Variants in POU2F3 observed in about 807,000 individuals in gnomAD.
POU2F3 encodes the protein POU class 2 homeobox 3, also known as POU domain, class 2, transcription factor 3.
A neutral mutation model predicts 59.2 loss-of-function variants in POU2F3; 23 were observed. The ratio of observed to expected loss-of-function variants is 0.39; its 90% confidence interval spans 0.28 to 0.55. POU2F3 has a LOEUF of 0.55. Ranked by LOEUF, POU2F3 falls within the 20% of genes least tolerant of loss-of-function variation. The probability of loss-of-function intolerance (pLI) is 0.66; values close to 1 mark genes in which losing one functional copy is unlikely to be tolerated. For synonymous variants in POU2F3, 190 were observed against 214.6 expected (o/e 0.89, Z 1.00); for missense variants, 473 against 544.5 (o/e 0.87, Z 1.31).
At chr11:120,281,075 T>C (rs12788462) in intron 3 of POU2F3, among the ~76,000 whole-genome samples, 48,220 of 152,050 alleles carry the variant, frequency 0.32, 11,088 homozygotes, top group African/African-American at 0.64. Flanking sequence ...CCCAGAATCA[T>C]AGCCTTGGCT....
In POU2F3 at chr11:120,307,707, G is replaced by T. The variant is rs768882419; in HGVS notation, c.906+92G>T. ...CAGGCCCCTTGGCACCAGCCCCTCC[G>T]CACCTCACACCTGCTCTGGGACACG... On this transcript the variant is annotated intron_variant, in intron 9 of 12. Transcript: ENST00000543440. 5.3e-6 allele frequency: 8 copies of T among 1,500,770 alleles called. 1 individual carries two copies. The highest frequency in any genetic ancestry group is 1.9e-4 in the Middle Eastern group (1 of 5,308). The allele number at this position is 1,500,770 out of a possible 1,614,324, so 93.0% of individuals were successfully genotyped here.
chr11:120,312,170 C>G (rs1353093201), intron 10 of POU2F3, among the ~76,000 whole-genome samples: 2 of 151,074 alleles, frequency 1.3e-5, no homozygotes, highest in Non-Finnish European at 3.0e-5. Context: ...TTTGCCCAGG[C>G]TGGAGTGCAA....
At chr11:120,298,143 T>C (rs1051674519) in intron 3 of POU2F3, 122 bp from the exon 4 acceptor site, 1 of 1,276,212 alleles carries the variant, frequency 7.8e-7, no homozygotes, top group Admixed American at 2.3e-5. Flanking sequence ...CAGTAGGCCC[T>C]GGGCTAGCTC....
At position 120,317,099 on chromosome 11, in the gene POU2F3, G is replaced by T. The variant is rs1591449656; in HGVS notation, c.1136-130G>T. 3 of 1,048,830 alleles carry T rather than the reference G, an allele frequency of 2.9e-6. No homozygotes were observed. The East Asian group carries it at 7.1e-5, about 25-fold the overall frequency. 65.0% of individuals were successfully genotyped at this position (1,048,830 alleles called of 1,614,324 possible). A position where few individuals can be genotyped will look rare whatever the true frequency, so the allele number is the denominator to read the frequency against. On this transcript the variant is annotated intron_variant, in intron 11 of 12. Transcript: ENST00000543440. The stretch of plus-strand genomic sequence containing the variant: ...AATGAGGCAGGAGGTAGTCAGGTGG[G>T]TGTGGCTAGGGAGAGGGTGAGGTCC...
At position 120,240,258 on chromosome 11, in the gene POU2F3, A is replaced by G; in HGVS notation, c.-86A>G. ...GCGGCGGCGGCCGGGAACTGGAGGA[A>G]GGAGACCCTGGCTTCGCAGGGGCCC... is the stretch of plus-strand genomic sequence containing the variant. On this transcript the variant is annotated 5_prime_UTR_variant, in exon 1 of 13. Transcript: ENST00000543440. 9 of 1,263,360 alleles carry G rather than the reference A, an allele frequency of 7.1e-6. No homozygotes were observed. Among genetic ancestry groups the G allele is most frequent in the Middle Eastern group, 2.3e-4 (1 of 4,374 alleles). 78.3% of individuals were successfully genotyped at this position (1,263,360 alleles called of 1,614,324 possible). A position where few individuals can be genotyped will look rare whatever the true frequency, so the allele number is the denominator to read the frequency against.
At chr11:120,261,468 A>G (rs1054609841) in intron 2 of POU2F3, 1 of 152,168 alleles carries the variant, frequency 6.6e-6, no homozygotes, top group East Asian at 1.9e-4. Context: ...AGAGATTCCC[A>G]GGGGTCCATG....
intron 9 of POU2F3, 66 bp from the exon 10 acceptor site, chr11:120,309,359 G>C: frequency 6.8e-7 from 1 of 1,471,558 alleles, no homozygotes; most frequent in Non-Finnish European, 9.4e-7. Flanking sequence ...CTGTTTCTTT[G>C]GGACCTCTGT....
chr11:120,298,486 CTGCA>C, intron 4 of POU2F3, 96 bp downstream of exon 4: 1 of 1,520,244 alleles, frequency 6.6e-7, no homozygotes, highest in Non-Finnish European at 8.9e-7. Flanking sequence ...AAAGAACCCC[CTGCA>C]GGCAATGTGG....
At chr11:120,306,793 G>A (rs889876903) in intron 8 of POU2F3, among the ~76,000 whole-genome samples, 13 of 152,282 alleles carry the variant, frequency 8.5e-5, no homozygotes, top group Non-Finnish European at 1.5e-4. Context: ...CATGGGAGGG[G>A]GCAGGAAGCT....
chr11:120,317,557 C>T (rs183692968), intron 12 of POU2F3, among the ~76,000 whole-genome samples, 193 bp downstream of exon 12: 115 of 152,316 alleles, frequency 7.6e-4, no homozygotes, highest in Non-Finnish European at 1.2e-3. Context: ...AAAGAAGCTT[C>T]AGTCAGTGAG....
intron 10 of POU2F3, among the ~76,000 whole-genome samples, 193 bp downstream of exon 10, chr11:120,309,779 T>C (rs2135126553): frequency 6.6e-6 from 1 of 151,824 alleles, no homozygotes; most frequent in South Asian, 2.1e-4. Flanking sequence ...AGTAGAGAGG[T>C]CAGAGAGGAC....
chr11:120,275,583 AGT>A (rs1940283557), intron 3 of POU2F3, among the ~76,000 whole-genome samples: 1 of 152,282 alleles, frequency 6.6e-6, no homozygotes, highest in Non-Finnish European at 1.5e-5. Flanking sequence ...AGATCAGGAC[AGT>A]GTTTTATGTA....
chr11:120,302,353 G>A lies in POU2F3; in HGVS notation c.429G>A (p.Pro143=), dbSNP rs746020637. ...QSGLLLPQTG[P]GLASQAFGHP... ...GTCTCCTCCTCCCACAGACTGGGCCGGGACTGGCATCCCAGGTAAACAACC... is the reference window on the plus strand; with the variant it reads ...GTCTCCTCCTCCCACAGACTGGGCCAGGACTGGCATCCCAGGTAAACAACC... The change falls in exon 6 of 13, where the codon CCG becomes CCA. Residue 143 remains proline, a synonymous_variant. Coordinates refer to ENST00000543440, the MANE Select transcript of POU2F3 (RefSeq NM_014352.4). 3.7e-5 allele frequency: 59 copies of A among 1,609,102 alleles called. No individual in the cohort carries two copies. The South Asian group carries it at 3.7e-4, about 10-fold the overall frequency.
intron 9 of POU2F3, 43 bp downstream of exon 9, chr11:120,307,658 CAGGT>C: frequency 1.2e-6 from 2 of 1,610,576 alleles, no homozygotes; most frequent in Admixed American, 3.3e-5. Flanking sequence ...CTACCTCACA[CAGGT>C]AGGGAGAGCA....
At chr11:120,274,410 G>A (rs1940236682) in intron 3 of POU2F3, among the ~76,000 whole-genome samples, 1 of 152,190 alleles carries the variant, frequency 6.6e-6, no homozygotes. Flanking sequence ...AGTAGGCATG[G>A]AGAGACCCAG....
intron 2 of POU2F3, among the ~76,000 whole-genome samples, chr11:120,262,578 T>A (rs1051567357): frequency 1.2e-4 from 18 of 152,230 alleles, no homozygotes; most frequent in African/African-American, 4.3e-4. Context: ...ACAAAACGAA[T>A]CCCTCATTTA....
chr11:120,315,202 G>A (rs535225663), intron 10 of POU2F3, among the ~76,000 whole-genome samples, 159 bp from the exon 11 acceptor site: 29 of 152,240 alleles, frequency 1.9e-4, no homozygotes, highest in Non-Finnish European at 3.7e-4. Flanking sequence ...TGGTCCAGAG[G>A]CCTTCCCATA....
intron 2 of POU2F3, among the ~76,000 whole-genome samples, chr11:120,258,301 C>T (rs1244523850): frequency 3.3e-5 from 5 of 152,290 alleles, no homozygotes. Context: ...GCCCCTTCCT[C>T]TGGCAAGGCT....
intron 2 of POU2F3, among the ~76,000 whole-genome samples, chr11:120,263,544 A>G (rs564043835): frequency 2.2e-3 from 335 of 152,312 alleles, no homozygotes; most frequent in Middle Eastern, 6.8e-3. Flanking sequence ...TATTAGCCTA[A>G]GCTGTTGATT....
Sources: allele counts gnomAD v4.1 joint callset (sites outside exome capture counted in the v4.1 genomes callset), GRCh38; gene constraint gnomAD v4.1.1; transcripts MANE v1.5; gene names NCBI Gene and HGNC (gene_info 2026-07-23, HGNC 2026-07-21).